The following TNFSF11 variants were observed in gnomAD, a reference collection of about 807,000 sequenced individuals.
TNFSF11 encodes TNF superfamily member 11, also known as tumor necrosis factor ligand superfamily member 11.
A neutral mutation model predicts 32.2 loss-of-function variants in TNFSF11; 12 were observed. The observed-to-expected ratio is 0.37, with a 90% CI of 0.24 to 0.60. TNFSF11 has a LOEUF of 0.60. Among genes scored for constraint, TNFSF11 ranks in the 20% least tolerant of loss-of-function variants. TNFSF11 has a pLI of 0.66. For missense variants in TNFSF11, 345 were observed against 398.0 expected (o/e 0.87, Z 1.13); for synonymous variants, 172 against 152.1 (o/e 1.13, Z -0.96).
chr13:42,570,608 A>G (rs1873026943), upstream of TNFSF11, among the ~76,000 whole-genome samples: 2 of 152,170 alleles, frequency 1.3e-5, no homozygotes, highest in Admixed American at 6.6e-5. Context: ...GACTTAATTG[A>G]TTAGTTGATA....
At chr13:42,586,464 T>A (rs1324902317) in intron 2 of TNFSF11, among the ~76,000 whole-genome samples, 2 of 152,184 alleles carry the variant, frequency 1.3e-5, no homozygotes, top group African/African-American at 2.4e-5. Flanking sequence ...GAGGCAGTAA[T>A]GCTTCAGTAC....
intron 2 of TNFSF11, among the ~76,000 whole-genome samples, chr13:42,600,162 G>A (rs1869090526): frequency 6.6e-6 from 1 of 152,056 alleles, no homozygotes; most frequent in African/African-American, 2.4e-5. Context: ...TCTGGCTTGT[G>A]CTTCTAATCC....
chr13:42,589,579 C>T (rs764515385), intron 2 of TNFSF11, among the ~76,000 whole-genome samples: 3 of 152,226 alleles, frequency 2.0e-5, no homozygotes, highest in Non-Finnish European at 4.4e-5. Context: ...AGCCTCGTTC[C>T]AGCCCCTGCC....
At chr13:42,581,380 C>T in intron 2 of TNFSF11, 87 bp downstream of exon 2, 1 of 1,413,044 alleles carries the variant, frequency 7.1e-7, no homozygotes, top group African/African-American at 1.4e-5. Flanking sequence ...GCTGTTGACT[C>T]TGCTCTTTTT....
intron 1 of TNFSF11, among the ~76,000 whole-genome samples, chr13:42,564,205 C>A (rs1195017819): frequency 6.6e-6 from 1 of 151,992 alleles, no homozygotes. Context: ...TGTTGCAGTT[C>A]TCTATCTCTT....
At chr13:42,585,434 GT>G (rs1207334657) in intron 2 of TNFSF11, among the ~76,000 whole-genome samples, 1 of 152,090 alleles carries the variant, frequency 6.6e-6, no homozygotes, top group African/African-American at 2.4e-5. Context: ...ATGTAATGCT[GT>G]TTTTTTCCCC....
chr13:42,607,038 G>T lies in TNFSF11; in HGVS notation c.*120G>T. On this transcript the variant is annotated 3_prime_UTR_variant, in exon 5 of 5. Coordinates refer to ENST00000398795, the MANE Select transcript of TNFSF11 (RefSeq NM_003701.4). ...AAGAGGCATGGCCCCAACGGTACAC[G>T]ACTCAGTATCCATGCTCTTGACCTT... The T allele has an allele frequency of 7.9e-7, 1 of 1,260,438 alleles. No homozygotes were observed. The highest frequency in any genetic ancestry group is 1.3e-5 in the South Asian group (1 of 77,634). The allele number at this position is 1,260,438 out of a possible 1,614,324, so 78.1% of individuals were successfully genotyped here.
At chr13:42,605,225 T>C (rs892704176) in intron 4 of TNFSF11, among the ~76,000 whole-genome samples, 6 of 152,192 alleles carry the variant, frequency 3.9e-5, no homozygotes, top group Non-Finnish European at 5.9e-5. Context: ...CTGACCTAAG[T>C]TGTGGTTGGG....
At chr13:42,600,634 A>G (rs1869117964) in intron 2 of TNFSF11, 118 bp from the exon 3 acceptor site, 2 of 1,103,498 alleles carry the variant, frequency 1.8e-6, no homozygotes, top group Non-Finnish European at 2.6e-6. Context: ...CAATGTTACT[A>G]TGGCACCTTT....
At position 42,574,255 on chromosome 13, in the gene TNFSF11, G is replaced by C; in HGVS notation, c.-49G>C. ...CGGAGTTGGCCGCAGACAAGAAGGG[G>C]AGGGAGCGGGAGAGGGAGGAGAGCT... On this transcript the variant is annotated 5_prime_UTR_variant, in exon 1 of 5. Coordinates refer to ENST00000398795, the MANE Select transcript of TNFSF11 (RefSeq NM_003701.4). 3 of 1,540,288 alleles carry C rather than the reference G, an allele frequency of 1.9e-6. No homozygotes were observed. Among genetic ancestry groups the C allele is most frequent in the African/African-American group, 2.7e-5 (2 of 72,826 alleles).
At chr13:42,592,675 G>T (rs1868553632) in intron 2 of TNFSF11, among the ~76,000 whole-genome samples, 1 of 152,164 alleles carries the variant, frequency 6.6e-6, no homozygotes. Flanking sequence ...GGTGTGATAT[G>T]GTTTGGCTCT....
chr13:42,580,460 A>G (rs560675264), intron 1 of TNFSF11, among the ~76,000 whole-genome samples: 1 of 152,260 alleles, frequency 6.6e-6, no homozygotes, highest in African/African-American at 2.4e-5. Flanking sequence ...ATGACACCAA[A>G]TATCACCTGC....
At chr13:42,602,969 C>A (rs545948420) in intron 4 of TNFSF11, among the ~76,000 whole-genome samples, 1 of 152,274 alleles carries the variant, frequency 6.6e-6, no homozygotes, top group Non-Finnish European at 1.5e-5. Flanking sequence ...TATTTTCTGA[C>A]AGTTATTGAG....
At chr13:42,594,365 G>A (rs149229666) in intron 2 of TNFSF11, among the ~76,000 whole-genome samples, 1 of 151,832 alleles carries the variant, frequency 6.6e-6, no homozygotes, top group Admixed American at 6.6e-5. Flanking sequence ...TTACAGGTGT[G>A]AGCCACTGCA....
intron 1 of TNFSF11, among the ~76,000 whole-genome samples, chr13:42,579,415 C>CAA (rs34345592): frequency 1.6e-3 from 175 of 112,818 alleles, no homozygotes; most frequent in South Asian, 7.2e-3. Context: ...ACCCTGTCTT[C>CAA]AAAAAAAAAA....
intron 2 of TNFSF11, among the ~76,000 whole-genome samples, chr13:42,567,168 A>G (rs1872901046): frequency 6.6e-6 from 1 of 152,208 alleles, no homozygotes; most frequent in African/African-American, 2.4e-5. Context: ...AATGAATACA[A>G]TAAGACCCTT....
intron 2 of TNFSF11, among the ~76,000 whole-genome samples, chr13:42,584,484 G>A (rs1031966962): frequency 6.6e-6 from 1 of 152,138 alleles, no homozygotes; most frequent in African/African-American, 2.4e-5. Context: ...GCCACCTCCT[G>A]CCTCATCAGA....
intron 2 of TNFSF11, among the ~76,000 whole-genome samples, chr13:42,586,091 TAC>T (rs1873884273): frequency 6.6e-6 from 1 of 152,238 alleles, no homozygotes; most frequent in Non-Finnish European, 1.5e-5. Context: ...TGTACAAATA[TAC>T]GAGAGTGATT....
chr13:42,568,880 T>TA, intron 2 of TNFSF11, among the ~76,000 whole-genome samples: 1 of 152,334 alleles, frequency 6.6e-6, no homozygotes, highest in South Asian at 2.1e-4. Context: ...TAGCCACACT[T>TA]ATAAATTAGT....
Sources: gnomAD v4.1 joint callset for allele counts (sites outside exome capture counted in the v4.1 genomes callset) on GRCh38, gnomAD v4.1.1 for gene constraint, MANE v1.5 for transcripts, NCBI Gene and HGNC (gene_info 2026-07-23, HGNC 2026-07-21) for gene names.